POMGNT1: variants seen among roughly 807,000 people sequenced by gnomAD.
POMGNT1 encodes the protein protein O-linked mannose N-acetylglucosaminyltransferase 1 (beta 1,2-).
In POMGNT1, 67 loss-of-function variants were observed where a neutral mutation model predicts 95.6. That is an observed-to-expected ratio of 0.70 (90% CI 0.58 to 0.86). The LOEUF is 0.86. Ranked by LOEUF, POMGNT1 falls within the 40% of genes least tolerant of loss-of-function variation. POMGNT1 has a pLI of 0.00. For missense variants in POMGNT1, 719 were observed against 855.2 expected (o/e 0.84, Z 1.99); for synonymous variants, 298 against 317.9 (o/e 0.94, Z 0.66).
chr1:46,197,522 T>G, intron 2 of POMGNT1, 180 bp downstream of exon 2: 1 of 978,846 alleles, frequency 1.0e-6, no homozygotes, highest in Non-Finnish European at 1.2e-6. Flanking sequence ...TGGGTTCCGA[T>G]TCCAGAACTT....
chr1:46,197,701 C>T lies in POMGNT1; in HGVS notation c.120+1G>A, dbSNP rs1658353990. 2 of 1,613,986 alleles carry T rather than the reference C, an allele frequency of 1.2e-6. No individual in the cohort carries two copies. Among genetic ancestry groups the T allele is most frequent in the African/African-American group, 1.3e-5 (1 of 74,906 alleles). On this transcript the variant is annotated splice_donor_variant, in intron 2 of 21. Transcript: ENST00000371984. LOFTEE classifies it high-confidence loss of function. ...GGGGAGGGTTTGGGACATCTCTATA[C>T]CTGACAGAATCTCCGCAGGGCCCGC...
chr1:46,197,659 G>A, intron 2 of POMGNT1, 43 bp downstream of exon 2: 1 of 1,612,938 alleles, frequency 6.2e-7, no homozygotes. Context: ...GGAGGAAGCT[G>A]GGAGGGAGCG....
chr1:46,195,635 C>T (rs1658169775), intron 6 of POMGNT1, 176 bp downstream of exon 6: 1 of 704,162 alleles, frequency 1.4e-6, no homozygotes, highest in East Asian at 2.8e-5. Context: ...TGGCATACAG[C>T]TGTTGCTCAA....
intron 1 of POMGNT1, among the ~76,000 whole-genome samples, chr1:46,215,161 G>T (rs1659026090): frequency 6.7e-6 from 1 of 149,918 alleles, no homozygotes; most frequent in South Asian, 2.1e-4. Flanking sequence ...GGGAGGTGGA[G>T]CTTGCAGTAA....
At chr1:46,191,117 A>T in intron 17 of POMGNT1, 1 of 361,030 alleles carries the variant, frequency 2.8e-6, no homozygotes, top group East Asian at 7.0e-5. Context: ...GCCCTGCAGG[A>T]GGTGGTGGGC....
chr1:46,219,941 C>T (rs1659182042), exon 1 of POMGNT1: 3 of 1,614,248 alleles, frequency 1.9e-6, no homozygotes, highest in Non-Finnish European at 1.7e-6. Context: ...TTGGCAGCTT[C>T]CTGGACACAG....
At chr1:46,203,938 G>A (rs959308340) in intron 1 of POMGNT1, among the ~76,000 whole-genome samples, 1 of 152,066 alleles carries the variant, frequency 6.6e-6, no homozygotes, top group Non-Finnish European at 1.5e-5. Context: ...ACCCAACGCA[G>A]CACAAATTCC....
At chr1:46,210,985 G>A (rs1168652197) in intron 1 of POMGNT1, among the ~76,000 whole-genome samples, 1 of 136,050 alleles carries the variant, frequency 7.4e-6, no homozygotes, top group Non-Finnish European at 1.6e-5. Flanking sequence ...TCCCTGTGTT[G>A]CCCAGGCTGG....
intron 17 of POMGNT1, chr1:46,191,746 T>C: frequency 8.5e-6 from 3 of 351,158 alleles, no homozygotes; most frequent in South Asian, 2.2e-5. Flanking sequence ...GCCATTCTCC[T>C]GCCTCAGCCT....
chr1:46,190,829 G>GC (rs1485992100), intron 17 of POMGNT1, 45 bp from the exon 18 acceptor site: 3 of 1,537,380 alleles, frequency 2.0e-6, no homozygotes, highest in Non-Finnish European at 2.7e-6. Flanking sequence ...ACATTGTCTG[G>GC]CCCACACCCA....
At chr1:46,219,579 A>T in intron 1 of POMGNT1, 1 of 1,124,522 alleles carries the variant, frequency 8.9e-7, no homozygotes, top group Non-Finnish European at 1.3e-6. Context: ...GCAAGCCGTT[A>T]TAATTCCATC....
At chr1:46,219,638 G>A (rs746017146) in intron 1 of POMGNT1, 15 of 1,501,350 alleles carry the variant, frequency 1.0e-5, no homozygotes, top group Non-Finnish European at 1.2e-5. Context: ...AGTGGCCTGT[G>A]GAAACGCTGG....
chr1:46,206,274 G>C lies in POMGNT1; in HGVS notation c.-50-8403C>G, dbSNP rs138604639. Among the ~76,000 whole-genome samples the C allele has an allele frequency of 4.0e-4, 60 of 150,844 alleles. No homozygotes were observed. In the East Asian group the frequency reaches 0.011, roughly 28 times the overall value. On this transcript the variant is annotated intron_variant, in intron 1 of 22. Transcript: ENST00000371992. Reference sequence around the variant, plus strand: ...TCAGTTTTTCCTCCTTTTGGTGGAGGGGGTAGAGGGAGATGGGGACTGTGA... The same window carrying C: ...TCAGTTTTTCCTCCTTTTGGTGGAGCGGGTAGAGGGAGATGGGGACTGTGA...
upstream of POMGNT1, among the ~76,000 whole-genome samples, chr1:46,202,661 C>T (rs925140702): frequency 2.9e-5 from 4 of 135,894 alleles, no homozygotes; most frequent in South Asian, 2.4e-4. Flanking sequence ...CGCGCCACCA[C>T]GCTACATCCT....
intron 1 of POMGNT1, among the ~76,000 whole-genome samples, chr1:46,217,421 A>G (rs575300704): frequency 6.6e-6 from 1 of 152,350 alleles, no homozygotes; most frequent in South Asian, 2.1e-4. Flanking sequence ...AATAAAAAGT[A>G]ACTATAGTAA....
chr1:46,215,196 A>G (rs1659027051), intron 1 of POMGNT1, among the ~76,000 whole-genome samples: 1 of 149,564 alleles, frequency 6.7e-6, no homozygotes, highest in South Asian at 2.1e-4. Flanking sequence ...ATTGCACTCT[A>G]GCCTGGGCGA....
chr1:46,192,981 T>C (rs1469301288), intron 13 of POMGNT1, 23 bp from the exon 14 acceptor site: 4 of 1,613,488 alleles, frequency 2.5e-6, no homozygotes, highest in South Asian at 2.2e-5. Flanking sequence ...TGGGACATCA[T>C]GGTCCCAAAG....
intron 1 of POMGNT1, chr1:46,203,504 G>C (rs767211043): frequency 6.4e-7 from 1 of 1,558,494 alleles, no homozygotes; most frequent in Non-Finnish European, 8.7e-7. Context: ...CCCCTGAAGG[G>C]CTGCTCCGCG....
chr1:46,197,268 C>A, intron 2 of POMGNT1, 184 bp from the exon 3 acceptor site: 1 of 1,520,852 alleles, frequency 6.6e-7, no homozygotes, highest in African/African-American at 1.4e-5. Flanking sequence ...CCCCAGGGAA[C>A]CTCCCCTGAC....
Sources: allele counts gnomAD v4.1 joint callset (sites outside exome capture counted in the v4.1 genomes callset), GRCh38; gene constraint gnomAD v4.1.1; transcripts MANE v1.5; gene names NCBI Gene and HGNC (gene_info 2026-07-23, HGNC 2026-07-21).